The following DMD variants were observed in gnomAD, a reference collection of about 807,000 sequenced individuals.
DMD encodes dystrophin, also known as mutant dystrophin.
Under a neutral mutation model 330.1 loss-of-function variants are expected in DMD, and 63 were observed. That is an observed-to-expected ratio of 0.19 (90% confidence interval 0.16 to 0.24). The LOEUF is 0.24. DMD is among the 10% of genes least tolerant of loss of function. The pLI is 1.00. For synonymous variants in DMD, 1,223 were observed against 959.8 expected (o/e 1.27, Z -5.07); for missense variants, 3,344 against 2,684.1 (o/e 1.25, Z -5.43).
chrX:32,855,418 C>G, intron 2 of DMD, among the ~76,000 whole-genome samples: 1 of 111,963 alleles, frequency 8.9e-6, no homozygotes. Flanking sequence ...TCAAATTATA[C>G]TACAGAGCTA....
chrX:32,254,389 G>T (rs1205154404), intron 43 of DMD, among the ~76,000 whole-genome samples: 2 of 112,021 alleles, frequency 1.8e-5, no homozygotes, highest in Non-Finnish European at 1.9e-5. Flanking sequence ...ATAATGTGTG[G>T]TGGTGTGGTA....
chrX:32,786,121 G>T (rs979224391), intron 7 of DMD, among the ~76,000 whole-genome samples: 1 of 107,646 alleles, frequency 9.3e-6, no homozygotes, highest in African/African-American at 3.4e-5. Flanking sequence ...GTGTGTGTGT[G>T]TATTCCAATT....
chrX:31,565,882 C>T (rs902698320), intron 55 of DMD, among the ~76,000 whole-genome samples: 1 of 112,364 alleles, frequency 8.9e-6, no homozygotes, highest in African/African-American at 3.2e-5. Context: ...ATAATCTTTT[C>T]ATGCACCTAT....
At chrX:32,964,461 A>G (rs937345754) in intron 2 of DMD, among the ~76,000 whole-genome samples, 1 of 110,617 alleles carries the variant, frequency 9.0e-6, no homozygotes, top group East Asian at 2.8e-4. Context: ...TAATCCCAGC[A>G]CTTTGGAAAG....
chrX:32,054,970 C>T (rs1312125591), intron 44 of DMD, among the ~76,000 whole-genome samples: 1 of 109,857 alleles, frequency 9.1e-6, no homozygotes, highest in Non-Finnish European at 1.9e-5. Flanking sequence ...TTTTCTACTT[C>T]CAAAATCTAG....
chrX:31,627,525 C>T (rs1045070121), intron 55 of DMD, 148 bp downstream of exon 55: 3 of 571,080 alleles, frequency 5.3e-6, no homozygotes, highest in Non-Finnish European at 8.8e-6. Context: ...CCCTCTGCCT[C>T]TCTCCTCCTT....
intron 44 of DMD, among the ~76,000 whole-genome samples, chrX:32,092,535 A>AT (rs1480266128): frequency 1.8e-5 from 2 of 110,812 alleles, no homozygotes; most frequent in African/African-American, 3.3e-5. Context: ...GGGCTATGAG[A>AT]TTTTCATATG....
intron 29 of DMD, 111 bp from the exon 30 acceptor site, chrX:32,412,024 T>A (rs1235571133): frequency 1.9e-5 from 23 of 1,195,334 alleles, no homozygotes; most frequent in Non-Finnish European, 2.4e-5. Flanking sequence ...ATCACCTTTT[T>A]GTAAGACAGA....
At chrX:32,289,656 A>G (rs772009711) in intron 42 of DMD, among the ~76,000 whole-genome samples, 6 of 111,377 alleles carry the variant, frequency 5.4e-5, no homozygotes, top group Non-Finnish European at 1.1e-4. Flanking sequence ...GGTCCTTCTC[A>G]CTGCTCATTA....
chrX:32,597,525 A>G (rs1272667174), intron 12 of DMD, among the ~76,000 whole-genome samples: 2 of 111,960 alleles, frequency 1.8e-5, no homozygotes, highest in Non-Finnish European at 3.8e-5. Flanking sequence ...CAATTACACT[A>G]ACCTCAACAG....
chrX:32,190,325 T>C (rs73458033), intron 44 of DMD, among the ~76,000 whole-genome samples: 6,541 of 108,973 alleles, frequency 0.06, 496 homozygotes, highest in African/African-American at 0.2. Context: ...TTCACTGCTT[T>C]CACCACTAGA....
chrX:32,822,693 C>T (rs181064394), intron 5 of DMD, among the ~76,000 whole-genome samples: 7 of 108,817 alleles, frequency 6.4e-5, no homozygotes, highest in Non-Finnish European at 7.6e-5. Context: ...TATATATATA[C>T]GCATATATAC....
intron 50 of DMD, among the ~76,000 whole-genome samples, chrX:31,792,732 T>C (rs970724402): frequency 3.6e-5 from 4 of 111,694 alleles, no homozygotes; most frequent in Non-Finnish European, 7.5e-5. Flanking sequence ...GCATGAGCAC[T>C]GGAGCAGCAT....
intron 67 of DMD, among the ~76,000 whole-genome samples, chrX:31,201,543 G>C (rs772596799): frequency 8.9e-6 from 1 of 112,364 alleles, no homozygotes; most frequent in South Asian, 3.7e-4. Context: ...CATGGGCTTA[G>C]GGGAGTAGGA....
intron 44 of DMD, among the ~76,000 whole-genome samples, chrX:32,003,865 G>C (rs1413535298): frequency 9.0e-6 from 1 of 111,202 alleles, no homozygotes; most frequent in Non-Finnish European, 1.9e-5. Flanking sequence ...AATGACCGTA[G>C]TTCTCTTGAA....
intron 60 of DMD, among the ~76,000 whole-genome samples, chrX:31,399,640 T>C (rs1395039367): frequency 9.0e-6 from 1 of 111,424 alleles, no homozygotes; most frequent in South Asian, 3.8e-4. Context: ...CTATGGATAC[T>C]GACCTGGAGG....
intron 57 of DMD, among the ~76,000 whole-genome samples, chrX:31,479,476 G>GTGGA (rs1265078858): frequency 8.9e-6 from 1 of 111,995 alleles, no homozygotes; most frequent in Admixed American, 9.5e-5. Context: ...ACCCCAAATA[G>GTGGA]TGGATATCCA....
intron 52 of DMD, among the ~76,000 whole-genome samples, chrX:31,703,718 G>T (rs962001312): frequency 1.3e-4 from 15 of 111,737 alleles, no homozygotes; most frequent in African/African-American, 4.9e-4. Flanking sequence ...GTTTTGAAGA[G>T]TGAAAATGGG....
chrX:33,053,302 A>G (rs2094478618), intron 1 of DMD, among the ~76,000 whole-genome samples: 1 of 111,850 alleles, frequency 8.9e-6, no homozygotes, highest in African/African-American at 3.3e-5. Flanking sequence ...ATGTTAAAAC[A>G]TAGTTACTGT....
Sources: allele counts gnomAD v4.1 joint callset (sites outside exome capture counted in the v4.1 genomes callset), GRCh38; gene constraint gnomAD v4.1.1; transcripts MANE v1.5; gene names NCBI Gene and HGNC (gene_info 2026-07-23, HGNC 2026-07-21).